TSBP1: variants seen among roughly 807,000 people sequenced by gnomAD.
TSBP1 encodes testis-expressed basic protein 1.
A neutral mutation model predicts 68.8 loss-of-function variants in TSBP1; 56 were observed. That is an observed-to-expected ratio of 0.81 (90% CI 0.66 to 1.02). The LOEUF (loss-of-function observed/expected upper bound fraction) is 1.02, where lower values mean the gene tolerates loss of function less well. Ranked by LOEUF, TSBP1 falls within the 50% of genes least tolerant of loss-of-function variation. TSBP1 has a pLI of 0.00. For missense variants in TSBP1, 502 were observed against 641.2 expected (o/e 0.78, Z 2.34); for synonymous variants, 171 against 208.7 (o/e 0.82, Z 1.56).
chr6:32,298,380 G>A (rs1562054274), intron 22 of TSBP1, among the ~76,000 whole-genome samples: 2 of 152,188 alleles, frequency 1.3e-5, no homozygotes, highest in Non-Finnish European at 2.9e-5. Context: ...AGGAGTTCGA[G>A]ACCAGCCTGA....
At chr6:32,305,243 T>C (rs544324394) in intron 19 of TSBP1, among the ~76,000 whole-genome samples, 2 of 152,272 alleles carry the variant, frequency 1.3e-5, no homozygotes, top group Non-Finnish European at 2.9e-5. Flanking sequence ...AACAAGTTTA[T>C]TGGGGGTCTT....
intron 16 of TSBP1, among the ~76,000 whole-genome samples, chr6:32,329,376 T>C (rs1768656798): frequency 6.6e-6 from 1 of 152,120 alleles, no homozygotes; most frequent in African/African-American, 2.4e-5. Flanking sequence ...CTTATGTTTA[T>C]CCTCCCTGTA....
At chr6:32,369,355 C>G (rs1044231131) in intron 2 of TSBP1, among the ~76,000 whole-genome samples, 3 of 135,304 alleles carry the variant, frequency 2.2e-5, no homozygotes, top group African/African-American at 8.3e-5. Context: ...ATTCTTATTA[C>G]TTTTGCTAAA....
chr6:32,312,833 C>A (rs554063358), intron 19 of TSBP1, among the ~76,000 whole-genome samples: 105 of 143,474 alleles, frequency 7.3e-4, no homozygotes, highest in African/African-American at 2.6e-3. Flanking sequence ...CCACTCTGAT[C>A]ACTCTTCTCA....
At chr6:32,362,061 T>C (rs1003844767) in intron 6 of TSBP1, among the ~76,000 whole-genome samples, 1 of 151,532 alleles carries the variant, frequency 6.6e-6, no homozygotes, top group African/African-American at 2.4e-5. Context: ...GAGGCCGAGG[T>C]GGGCGGATCA....
intron 16 of TSBP1, 84 bp downstream of exon 17, chr6:32,330,504 AG>A: frequency 8.0e-7 from 1 of 1,257,548 alleles, no homozygotes; most frequent in African/African-American, 1.5e-5. Flanking sequence ...AGACACATCT[AG>A]GGCATTTGAG....
At chr6:32,297,874 C>T (rs1764870715) in intron 22 of TSBP1, among the ~76,000 whole-genome samples, 1 of 151,850 alleles carries the variant, frequency 6.6e-6, no homozygotes. Context: ...GCCTGGGCAA[C>T]ATAGTGAGAC....
intron 22 of TSBP1, 116 bp from the exon 26 acceptor site, chr6:32,294,151 T>C: frequency 8.0e-7 from 1 of 1,244,696 alleles, no homozygotes; most frequent in Non-Finnish European, 1.2e-6. Context: ...CTAAAATTTT[T>C]CTGAATCTCA....
chr6:32,360,873 TTCTC>T (rs1281512711), intron 6 of TSBP1, among the ~76,000 whole-genome samples: 4 of 120,162 alleles, frequency 3.3e-5, no homozygotes, highest in African/African-American at 5.2e-5. Context: ...TTTTGTTTTT[TTCTC>T]TCTCTCTTTT....
At chr6:32,297,415 T>C (rs1194828600) in intron 22 of TSBP1, among the ~76,000 whole-genome samples, 3 of 152,218 alleles carry the variant, frequency 2.0e-5, no homozygotes, top group Non-Finnish European at 4.4e-5. Flanking sequence ...TTGTTAAAGC[T>C]AAAAGATATC....
chr6:32,297,561 G>A (rs184430332), intron 22 of TSBP1, among the ~76,000 whole-genome samples: 2 of 152,230 alleles, frequency 1.3e-5, no homozygotes, highest in African/African-American at 4.8e-5. Context: ...GATCTAGACT[G>A]TAAAAGATCT....
rs2127591913 is a variant in TSBP1, at chr6:32,325,039, T to C, written c.515-1425A>G. On this transcript the variant is annotated intron_variant, in intron 16 of 22. Coordinates refer to ENST00000612031, the Ensembl canonical transcript of TSBP1. This position sits in a 1 kb window ranked among gnomAD's most constrained non-coding sequence, Gnocchi z 4.4. The stretch of plus-strand genomic sequence containing the variant: ...TATATCATTTTTCTGTCATTTTTTT[T>C]CCTTCTGCATGGAAAGTTCCTAACA... 6.6e-6 allele frequency among the ~76,000 whole-genome samples: 1 copy of C among 152,346 alleles called. No individual in the cohort carries two copies. The highest frequency in any genetic ancestry group is 2.4e-5 in the African/African-American group (1 of 41,586).
chr6:32,299,103 G>A (rs1765015154), intron 22 of TSBP1, among the ~76,000 whole-genome samples: 1 of 152,166 alleles, frequency 6.6e-6, no homozygotes, highest in Non-Finnish European at 1.5e-5. Flanking sequence ...TGTTAGTATG[G>A]GAAGAGTGGG....
intron 19 of TSBP1, among the ~76,000 whole-genome samples, chr6:32,307,694 A>T: frequency 6.6e-6 from 1 of 151,158 alleles, no homozygotes. Flanking sequence ...TTCAAAGGCT[A>T]TGCTATAAGC....
chr6:32,368,000 TA>T (rs11386594), intron 3 of TSBP1, 43 bp from the exon 4 acceptor site: 1,193,094 of 1,532,426 alleles, frequency 0.78, 467,598 homozygotes, highest in East Asian at 0.92. Context: ...TCTTGATTAT[TA>T]AATGAGGCTT....
In TSBP1 at chr6:32,330,629, A is replaced by G; in HGVS notation, c.494-20T>C. 6.5e-7 allele frequency: 1 copy of G among 1,546,488 alleles called. No homozygotes were observed. The highest frequency in any genetic ancestry group is 8.7e-7 in the Non-Finnish European group (1 of 1,149,804). ...ATTGTACTAAAAAATAGAAACAAAC[A>G]AATTAAACACACACACACACACACA... On this transcript the variant is annotated intron_variant, in intron 15 of 22. Coordinates refer to ENST00000612031, the Ensembl canonical transcript of TSBP1.
rs757871279 is a variant in TSBP1, at chr6:32,371,735, G to A, written c.-29C>T. 33 of 1,613,070 alleles carry A rather than the reference G, an allele frequency of 2.0e-5. No individual in the cohort carries two copies. Among genetic ancestry groups the A allele is most frequent in the African/African-American group, 1.3e-4 (10 of 74,900 alleles). On this transcript the variant is annotated 5_prime_UTR_variant, in exon 1 of 23. The change creates a premature stop within an existing upstream ORF in the 5' untranslated region. Transcript: ENST00000612031. ...CCATGTATTGTCTTCATCAGGTCTC[G>A]CATCATCTGGATTTCTTTGTCAGAG...
At chr6:32,344,409 T>C (rs1738005292) in intron 9 of TSBP1, among the ~76,000 whole-genome samples, 1 of 151,582 alleles carries the variant, frequency 6.6e-6, no homozygotes, top group Admixed American at 6.6e-5. Context: ...TAAGTTTTGG[T>C]AGGAGAAGCA....
chr6:32,342,230 T>A lies in TSBP1; in HGVS notation c.350-2592A>T, dbSNP rs540689198. ...CCCAGGTTGGATGGCAGTGTTGCGATCCTGGCTCACTGCAACCTCCTCTCC... is the reference window on the plus strand; with the variant it reads ...CCCAGGTTGGATGGCAGTGTTGCGAACCTGGCTCACTGCAACCTCCTCTCC... On this transcript the variant is annotated intron_variant, in intron 9 of 22. Transcript: ENST00000612031. Among the ~76,000 whole-genome samples, 4 of 151,790 alleles carry A rather than the reference T, an allele frequency of 2.6e-5. No homozygotes were observed. The East Asian group carries it at 7.7e-4, about 29-fold the overall frequency.
Sources: allele counts gnomAD v4.1 joint callset (sites outside exome capture counted in the v4.1 genomes callset), GRCh38; gene constraint gnomAD v4.1.1; non-coding constraint Gnocchi (gnomAD v3.1); transcripts MANE v1.5; gene names NCBI Gene and HGNC (gene_info 2026-07-23, HGNC 2026-07-21).